Variants in CDH13 observed in about 807,000 individuals in gnomAD.
CDH13 encodes the protein cadherin-13.
Under a neutral mutation model 63.8 loss-of-function variants are expected in CDH13, and 24 were observed. That is an observed-to-expected ratio of 0.38 (90% CI 0.27 to 0.53). The LOEUF (loss-of-function observed/expected upper bound fraction) is 0.53, where lower values mean the gene tolerates loss of function less well. Ranked by LOEUF, CDH13 falls within the 20% of genes least tolerant of loss-of-function variation. The pLI is 0.85. For synonymous variants in CDH13, 503 were observed against 355.3 expected (o/e 1.42, Z -4.67); for missense variants, 1,049 against 903.1 (o/e 1.16, Z -2.07).
chr16:83,666,002 C>A (rs554102129), intron 8 of CDH13, among the ~76,000 whole-genome samples: 1 of 152,168 alleles, frequency 6.6e-6, no homozygotes, highest in South Asian at 2.1e-4. Flanking sequence ...AGATCATAAG[C>A]CCAGTACATA....
At chr16:82,937,547 C>T (rs1220768562) in intron 2 of CDH13, among the ~76,000 whole-genome samples, 1 of 152,216 alleles carries the variant, frequency 6.6e-6, no homozygotes, top group African/African-American at 2.4e-5. Flanking sequence ...AATGCCATAC[C>T]TAGCACATAG....
chr16:83,726,593 T>C (rs1323438172), intron 10 of CDH13, among the ~76,000 whole-genome samples: 1 of 152,112 alleles, frequency 6.6e-6, no homozygotes, highest in Non-Finnish European at 1.5e-5. Flanking sequence ...CCCGGCCCTT[T>C]GGGAGGCCGA....
chr16:83,384,566 C>G (rs768721248), intron 6 of CDH13, among the ~76,000 whole-genome samples: 13 of 152,190 alleles, frequency 8.5e-5, no homozygotes, highest in African/African-American at 2.4e-4. Flanking sequence ...TGTGGGAACA[C>G]GAGCAGAAGG....
chr16:82,760,625 T>C (rs2034799175), intron 1 of CDH13, among the ~76,000 whole-genome samples: 1 of 152,208 alleles, frequency 6.6e-6, no homozygotes, highest in Non-Finnish European at 1.5e-5. Context: ...ATGACTCTGA[T>C]AGCACCTGTA....
At chr16:83,196,181 G>A (rs555624989) in intron 4 of CDH13, among the ~76,000 whole-genome samples, 9 of 152,218 alleles carry the variant, frequency 5.9e-5, no homozygotes, top group Non-Finnish European at 1.0e-4. Context: ...ACTTGAACCC[G>A]GGAGGCGGAG....
rs144999398 is a variant in CDH13 at position 82,902,669 on chromosome 16, T to C, written c.157+44196T>C. Among the ~76,000 whole-genome samples the C allele has an allele frequency of 4.1e-3, 623 of 151,764 alleles. 3 individuals carry two copies. Among genetic ancestry groups the C allele is most frequent in the South Asian group, 0.012 (58 of 4,770 alleles). On this transcript the variant is annotated intron_variant, in intron 2 of 13. Coordinates refer to ENST00000567109, the MANE Select transcript of CDH13 (RefSeq NM_001257.5). ...CATTAATCAGTGTCATATTCATTACTGCTGGTGAAATGCCATACAACATTG... is the reference window on the plus strand; with the variant it reads ...CATTAATCAGTGTCATATTCATTACCGCTGGTGAAATGCCATACAACATTG...
intron 1 of CDH13, among the ~76,000 whole-genome samples, chr16:82,636,559 C>T (rs1479747130): frequency 2.0e-5 from 3 of 152,198 alleles, no homozygotes; most frequent in African/African-American, 4.8e-5. Context: ...ATATGTCTTA[C>T]ATGAAGCAAA....
At chr16:83,298,107 G>A (rs1210412912) in intron 5 of CDH13, among the ~76,000 whole-genome samples, 2 of 151,810 alleles carry the variant, frequency 1.3e-5, no homozygotes, top group Non-Finnish European at 2.9e-5. Context: ...GCCAGGTGCA[G>A]GGGTACGTGC....
At chr16:82,647,902 G>T (rs59081828) in intron 1 of CDH13, among the ~76,000 whole-genome samples, 31,581 of 152,008 alleles carry the variant, frequency 0.21, 4,801 homozygotes, top group African/African-American at 0.43. Flanking sequence ...ATGTGTCATG[G>T]GAGGGACCCT....
intron 2 of CDH13, among the ~76,000 whole-genome samples, chr16:83,025,669 A>G (rs964025753): frequency 2.6e-5 from 4 of 152,200 alleles, no homozygotes; most frequent in African/African-American, 9.7e-5. Flanking sequence ...CAGGGCTCCT[A>G]CACACAAGCC....
At chr16:83,063,136 A>G (rs1419505313) in intron 3 of CDH13, among the ~76,000 whole-genome samples, 1 of 151,822 alleles carries the variant, frequency 6.6e-6, no homozygotes, top group East Asian at 1.9e-4. Context: ...TAATTTTTGT[A>G]TTTTTAGTAG....
At position 83,634,744 on chromosome 16, in the gene CDH13, C is replaced by A. The variant is rs557582143; in HGVS notation, c.1101+32150C>A. ...TAAGCATGATGCCCCTGAGATTCAT[C>A]CAAGTACTCACATCAGCCGATAGCT... On this transcript the variant is annotated intron_variant, in intron 8 of 13. Coordinates refer to ENST00000567109, the MANE Select transcript of CDH13 (RefSeq NM_001257.5). Among the ~76,000 whole-genome samples the A allele has an allele frequency of 3.3e-5, 5 of 152,220 alleles. No homozygotes were observed. The South Asian group carries it at 1.0e-3, about 32-fold the overall frequency.
intron 2 of CDH13, among the ~76,000 whole-genome samples, chr16:82,915,386 G>A (rs1285426042): frequency 6.6e-6 from 1 of 152,184 alleles, no homozygotes; most frequent in Admixed American, 6.5e-5. Flanking sequence ...GGCCAAAGCA[G>A]CACATTTTGG....
intron 1 of CDH13, among the ~76,000 whole-genome samples, chr16:82,697,765 G>GTGTGTGTA (rs1436354285): frequency 2.0e-5 from 3 of 151,130 alleles, no homozygotes; most frequent in African/African-American, 7.3e-5. Flanking sequence ...GTGTGTGTGT[G>GTGTGTGTA]TGTGTGTGTG....
intron 5 of CDH13, among the ~76,000 whole-genome samples, chr16:83,264,487 G>A (rs956790283): frequency 2.0e-5 from 3 of 151,734 alleles, no homozygotes; most frequent in Non-Finnish European, 4.4e-5. Flanking sequence ...ATTTGTGTGT[G>A]TACATATTAT....
intron 13 of CDH13, among the ~76,000 whole-genome samples, chr16:83,793,363 C>T (rs1597243625): frequency 6.6e-6 from 1 of 152,294 alleles, no homozygotes; most frequent in East Asian, 1.9e-4. Flanking sequence ...TCCCAGCCAA[C>T]ATTGCTGAGT....
intron 4 of CDH13, among the ~76,000 whole-genome samples, chr16:83,175,972 G>A (rs183320974): frequency 6.6e-6 from 1 of 151,478 alleles, no homozygotes; most frequent in East Asian, 2.0e-4. Context: ...GGGATTACAG[G>A]CATGTGCCAC....
Position 83,496,608 on chromosome 16 carries a change from C to T in CDH13, c.960+9953C>T, listed in dbSNP as rs2074150220. ...TTCAGGACATAGGCATGGGCAAGGACTTCATGTCTAAAACACCAAAAGCAA... is the reference window on the plus strand; with the variant it reads ...TTCAGGACATAGGCATGGGCAAGGATTTCATGTCTAAAACACCAAAAGCAA... On this transcript the variant is annotated intron_variant, in intron 7 of 13. Transcript: ENST00000567109. Among the ~76,000 whole-genome samples, 3 of 152,144 alleles carry T rather than the reference C, an allele frequency of 2.0e-5. No individual in the cohort carries two copies. In the South Asian group the frequency reaches 6.2e-4, roughly 32 times the overall value.
intron 8 of CDH13, among the ~76,000 whole-genome samples, chr16:83,657,879 C>A (rs147829142): frequency 4.6e-5 from 7 of 151,088 alleles, no homozygotes; most frequent in Admixed American, 3.9e-4. Context: ...CCAGCAAGGT[C>A]CCATATCATC....
Sources: gnomAD v4.1 joint callset for allele counts (sites outside exome capture counted in the v4.1 genomes callset) on GRCh38, gnomAD v4.1.1 for gene constraint, MANE v1.5 for transcripts, NCBI Gene and HGNC (gene_info 2026-07-23, HGNC 2026-07-21) for gene names.